Variants in PEBP4 observed in about 807,000 individuals in gnomAD.
PEBP4 encodes phosphatidylethanolamine-binding protein 4.
Under a neutral mutation model 23.9 loss-of-function variants are expected in PEBP4, and 22 were observed. The ratio of observed to expected loss-of-function variants is 0.92; its 90% confidence interval spans 0.66 to 1.31. The LOEUF is 1.31. Among genes scored for constraint, PEBP4 ranks in the 40% most tolerant of loss-of-function variants. The pLI, the probability that PEBP4 is intolerant of heterozygous loss-of-function variation, is 0.00. For missense variants in PEBP4, 324 were observed against 281.7 expected, an observed-to-expected ratio of 1.15 and a Z score of -1.07; for synonymous variants, 112 against 99.3, an observed-to-expected ratio of 1.13 and a Z score of -0.76.
chr8:22,888,660 C>T (rs1808432777), intron 3 of PEBP4, among the ~76,000 whole-genome samples: 4 of 152,194 alleles, frequency 2.6e-5, no homozygotes, highest in Admixed American at 2.6e-4. Flanking sequence ...ACATCATCTT[C>T]CTAAACCATT....
intron 3 of PEBP4, among the ~76,000 whole-genome samples, chr8:22,866,067 GC>G (rs1807896430): frequency 6.6e-6 from 1 of 152,210 alleles, no homozygotes; most frequent in Non-Finnish European, 1.5e-5. Flanking sequence ...CCAGAGACGA[GC>G]CCCAAGAAAT....
chr8:22,871,729 A>G (rs1468460965), intron 3 of PEBP4, among the ~76,000 whole-genome samples: 3 of 151,418 alleles, frequency 2.0e-5, no homozygotes, highest in African/African-American at 7.3e-5. Context: ...TAATTTTCGT[A>G]TTTTTAGTAG....
At chr8:22,835,574 C>T (rs1033993264) in intron 3 of PEBP4, among the ~76,000 whole-genome samples, 5 of 152,196 alleles carry the variant, frequency 3.3e-5, no homozygotes, top group Non-Finnish European at 7.3e-5. Context: ...GTTACAGAAT[C>T]CTGGAGCACT....
chr8:22,909,081 C>G (rs920889928), intron 3 of PEBP4, among the ~76,000 whole-genome samples: 1 of 152,198 alleles, frequency 6.6e-6, no homozygotes, highest in Non-Finnish European at 1.5e-5. Flanking sequence ...GTGACCTGCC[C>G]TCTGCAATGC....
At chr8:22,904,396 G>A (rs959790593) in intron 3 of PEBP4, among the ~76,000 whole-genome samples, 8 of 152,194 alleles carry the variant, frequency 5.3e-5, no homozygotes, top group Non-Finnish European at 1.0e-4. Flanking sequence ...TAACCCTGCA[G>A]GGCAGGAAAG....
intron 4 of PEBP4, among the ~76,000 whole-genome samples, chr8:22,739,744 C>T (rs940282811): frequency 5.3e-5 from 8 of 152,130 alleles, no homozygotes; most frequent in African/African-American, 1.9e-4. Flanking sequence ...TCCCCTCTGT[C>T]TGGGTAAGAA....
chr8:22,830,457 C>G (rs928178725), intron 3 of PEBP4, among the ~76,000 whole-genome samples: 1 of 152,076 alleles, frequency 6.6e-6, no homozygotes, highest in Non-Finnish European at 1.5e-5. Flanking sequence ...CAGCTATCTT[C>G]TTTTATCACC....
chr8:22,940,614 G>A (rs1329886562), intron 1 of PEBP4, among the ~76,000 whole-genome samples: 3 of 150,504 alleles, frequency 2.0e-5, no homozygotes, highest in Admixed American at 6.7e-5. Context: ...TCAGCCTCCC[G>A]AGCAGCTGGG....
At chr8:22,874,417 T>C (rs1454808470) in intron 3 of PEBP4, among the ~76,000 whole-genome samples, 1 of 152,194 alleles carries the variant, frequency 6.6e-6, no homozygotes, top group African/African-American at 2.4e-5. Context: ...TGAATGTTTC[T>C]CAGTTCAGTT....
At chr8:22,933,877 TAAAG>T (rs1414576883) in intron 1 of PEBP4, among the ~76,000 whole-genome samples, 1 of 152,226 alleles carries the variant, frequency 6.6e-6, no homozygotes, top group Non-Finnish European at 1.5e-5. Context: ...GGATAATTGA[TAAAG>T]AGGTTTATTT....
In PEBP4 at chr8:22,801,538, G is replaced by T. The variant is rs927413361; in HGVS notation, c.357+16099C>A. ...GAAAGTAGTTGGGGAAAGGGTGAGG[G>T]GTAGCGTCAGGGACCCTGGCCTCTA... is the stretch of plus-strand genomic sequence containing the variant. On this transcript the variant is annotated intron_variant, in intron 4 of 6. Coordinates refer to ENST00000256404, the MANE Select transcript of PEBP4 (RefSeq NM_144962.3). Among the ~76,000 whole-genome samples the T allele has an allele frequency of 3.9e-5, 6 of 152,252 alleles. No homozygotes were observed. In the Middle Eastern group the frequency reaches 0.01, roughly 259 times the overall value.
chr8:22,714,772 A>G (rs1244017278), intron 6 of PEBP4, among the ~76,000 whole-genome samples: 1 of 151,888 alleles, frequency 6.6e-6, no homozygotes, highest in East Asian at 1.9e-4. Flanking sequence ...GTCAGCACCC[A>G]CCACCCTTTT....
At chr8:22,793,662 A>G (rs1806186021) in intron 4 of PEBP4, among the ~76,000 whole-genome samples, 1 of 152,196 alleles carries the variant, frequency 6.6e-6, no homozygotes, top group Admixed American at 6.5e-5. Flanking sequence ...ATATTCCATT[A>G]TTATAAGTAA....
intron 4 of PEBP4, among the ~76,000 whole-genome samples, chr8:22,788,260 A>C (rs1806067204): frequency 6.6e-6 from 1 of 151,850 alleles, no homozygotes; most frequent in Non-Finnish European, 1.5e-5. Context: ...TCACCGAGAA[A>C]CCCCTGGGAC....
chr8:22,841,174 G>A (rs572805099), intron 3 of PEBP4, among the ~76,000 whole-genome samples: 15 of 152,348 alleles, frequency 9.8e-5, no homozygotes, highest in Admixed American at 9.1e-4. Context: ...TTGCCCAAGG[G>A]CACATCATAA....
At chr8:22,907,746 C>T (rs1387972144) in intron 3 of PEBP4, among the ~76,000 whole-genome samples, 4 of 152,124 alleles carry the variant, frequency 2.6e-5, no homozygotes, top group Non-Finnish European at 5.9e-5. Context: ...GATGTAAAGG[C>T]TCACTCTGAC....
chr8:22,767,353 G>A (rs540403976), intron 4 of PEBP4, among the ~76,000 whole-genome samples: 1 of 152,244 alleles, frequency 6.6e-6, no homozygotes, highest in Admixed American at 6.5e-5. Flanking sequence ...AAAGTGCTGT[G>A]GTTTTTGAAT....
intron 6 of PEBP4, among the ~76,000 whole-genome samples, chr8:22,717,581 A>G (rs1387340324): frequency 6.6e-6 from 1 of 152,128 alleles, no homozygotes; most frequent in African/African-American, 2.4e-5. Flanking sequence ...GAGAACAAGG[A>G]GTGGGTTGCT....
intron 3 of PEBP4, among the ~76,000 whole-genome samples, chr8:22,904,831 G>A (rs1808780047): frequency 1.3e-5 from 2 of 152,028 alleles, no homozygotes; most frequent in African/African-American, 4.8e-5. Context: ...ATGGCTATAT[G>A]GTACTTTTTC....
Sources: allele counts gnomAD v4.1 joint callset (sites outside exome capture counted in the v4.1 genomes callset), GRCh38; gene constraint gnomAD v4.1.1; transcripts MANE v1.5; gene names NCBI Gene and HGNC (gene_info 2026-07-23, HGNC 2026-07-21).